Variants in TNFRSF17 observed in about 807,000 individuals in gnomAD.
TNFRSF17 encodes TNF receptor superfamily member 17.
A neutral mutation model predicts 9.9 loss-of-function variants in TNFRSF17; 13 were observed. The observed-to-expected ratio is 1.31, with a 90% CI of 0.85 to 2.08. TNFRSF17 has a LOEUF of 2.08. Ranked by LOEUF, TNFRSF17 falls within the 30% of genes most tolerant of loss-of-function variation. The pLI is 0.00. For missense variants in TNFRSF17, 305 were observed against 225.8 expected, an observed-to-expected ratio of 1.35 and a Z score of -2.25; for synonymous variants, 99 against 83.7, an observed-to-expected ratio of 1.18 and a Z score of -1.00.
intron 1 of TNFRSF17, among the ~76,000 whole-genome samples, chr16:11,965,981 C>T (rs528547624): frequency 4.6e-5 from 7 of 152,134 alleles, no homozygotes; most frequent in African/African-American, 1.7e-4. Flanking sequence ...CATGGTGGCA[C>T]AGGTCTGTAA....
At chr16:11,967,454 TA>T (rs1446216173) in intron 2 of TNFRSF17, 115 bp from the exon 3 acceptor site, 2 of 1,149,388 alleles carry the variant, frequency 1.7e-6, no homozygotes, top group Non-Finnish European at 2.5e-6. Flanking sequence ...ACCCCACCTC[TA>T]AAAAATGAAA....
At chr16:11,966,787 A>G (rs1221080916) in intron 2 of TNFRSF17, among the ~76,000 whole-genome samples, 1 of 152,182 alleles carries the variant, frequency 6.6e-6, no homozygotes, top group Non-Finnish European at 1.5e-5. Flanking sequence ...AATGTTAGAA[A>G]TGAATAACCA....
At position 11,967,786 on chromosome 16, in the gene TNFRSF17, G is replaced by C. The variant is rs11570159; in HGVS notation, c.494G>C (p.Cys165Ser). 1.7e-5 allele frequency: 28 copies of C among 1,614,214 alleles called. No homozygotes were observed. The African/African-American group carries it at 2.0e-4, about 12-fold the overall frequency. Residue 165 changes from cysteine to serine, a missense_variant, in exon 3 of 3, where the codon TGC becomes TCC. By Grantham distance (112) the Cys-to-Ser change is moderately radical (BLOSUM62 -1). Transcript: ENST00000053243. ...ILVTTKTNDY[C>S]KSLPAALSAT... ...GTCACCACGAAAACGAATGACTATT[G>C]CAAGAGCCTGCCAGCTGCTTTGAGT...
intron 1 of TNFRSF17, among the ~76,000 whole-genome samples, chr16:11,965,967 T>C (rs1319523830): frequency 6.6e-6 from 1 of 151,934 alleles, no homozygotes. Flanking sequence ...AAAAATTAGC[T>C]GGGCATGGTG....
intron 2 of TNFRSF17, among the ~76,000 whole-genome samples, chr16:11,966,562 CT>C (rs1158401828): frequency 6.6e-6 from 1 of 152,218 alleles, no homozygotes; most frequent in African/African-American, 2.4e-5. Context: ...CTCCAGGATT[CT>C]TCCACTGTTA....
At position 11,967,699 on chromosome 16, in the gene TNFRSF17, C is replaced by T. The variant is rs374377405; in HGVS notation, c.407C>T (p.Pro136Leu). The T allele has an allele frequency of 1.4e-5, 22 of 1,614,036 alleles. No homozygotes were observed. Among genetic ancestry groups the T allele is most frequent in the African/African-American group, 1.1e-4 (8 of 74,904 alleles). ...CTCEDCIKSK[P>L]KVDSDHCFPL... Reference sequence around the variant, plus strand: ...TGTGAAGACTGCATCAAGAGCAAACCGAAGGTCGACTCTGACCATTGCTTT... The same window carrying T: ...TGTGAAGACTGCATCAAGAGCAAACTGAAGGTCGACTCTGACCATTGCTTT... Residue 136 changes from proline to leucine, a missense_variant, in exon 3 of 3, where the codon CCG becomes CTG. Coordinates refer to ENST00000053243, the MANE Select transcript of TNFRSF17 (RefSeq NM_001192.3).
At chr16:11,967,523 C>G (rs755940777) in intron 2 of TNFRSF17, 47 bp from the exon 3 acceptor site, 1 of 1,578,026 alleles carries the variant, frequency 6.3e-7, no homozygotes, top group South Asian at 1.2e-5. Context: ...CTCATGACCA[C>G]ATTCTCTGTG....
At chr16:11,966,098 A>C (rs2055191283) in intron 1 of TNFRSF17, 97 bp from the exon 2 acceptor site, 43 of 1,327,684 alleles carry the variant, frequency 3.2e-5, no homozygotes, top group Non-Finnish European at 4.4e-5. Context: ...GCAACAGAGC[A>C]AGACTTTGTC....
chr16:11,967,389 G>A (rs1596507815), intron 2 of TNFRSF17, among the ~76,000 whole-genome samples, 181 bp from the exon 3 acceptor site: 1 of 152,176 alleles, frequency 6.6e-6, no homozygotes, highest in Admixed American at 6.5e-5. Flanking sequence ...GTAGGCTAAC[G>A]TGGGAGGATT....
chr16:11,966,331 TA>T lies in TNFRSF17; in HGVS notation c.272del (p.Asn91ThrfsTer82). ...INSEPLKDEF[K>X]NTGSGLLGMA... Reference sequence around the variant, plus strand: ...ACTCTGAACCATTAAAGGACGAGTTTAAAAACACAGGTTGGTTTGATGGTGA... The same window carrying T: ...ACTCTGAACCATTAAAGGACGAGTTTAAAACACAGGTTGGTTTGATGGTGA... On this transcript the variant is annotated frameshift_variant, in exon 2 of 3. Transcript: ENST00000053243. LOFTEE classifies it low-confidence loss of function (END_TRUNC). 1 of 1,611,848 alleles carries T rather than the reference TA, an allele frequency of 6.2e-7. No individual in the cohort carries two copies. Among genetic ancestry groups the T allele is most frequent in the Non-Finnish European group, 8.5e-7 (1 of 1,178,902 alleles).
At position 11,967,822 on chromosome 16, in the gene TNFRSF17, T is replaced by C; in HGVS notation, c.530T>C (p.Ile177Thr). 6.2e-7 allele frequency: 1 copy of C among 1,613,960 alleles called. No homozygotes were observed. Among genetic ancestry groups the C allele is most frequent in the South Asian group, 1.1e-5 (1 of 91,068 alleles). Residue 177 changes from isoleucine (I) to threonine (T), a missense_variant, in exon 3 of 3, where the codon ATA (isoleucine) becomes ACA (threonine). By Grantham distance (89) the Ile-to-Thr change is moderately conservative. Transcript: ENST00000053243. The stretch of plus-strand genomic sequence containing the variant: ...CCAGCTGCTTTGAGTGCTACGGAGA[T>C]AGAGAAATCAATTTCTGCTAGGTAA... ...SLPAALSATE[I>T]EKSISAR
At position 11,965,464 on chromosome 16, in the gene TNFRSF17, A is replaced by T; in HGVS notation, c.130+10A>T. On this transcript the variant is annotated intron_variant, in intron 1 of 2. Transcript: ENST00000053243. ...CGTTATTGTAATGCAAGTAAGTAATATTGCTTGAACGATTATTCATTGGTG... is the reference window on the plus strand; with the variant it reads ...CGTTATTGTAATGCAAGTAAGTAATTTTGCTTGAACGATTATTCATTGGTG... 1 of 1,613,490 alleles carries T rather than the reference A, an allele frequency of 6.2e-7. No individual in the cohort carries two copies. The highest frequency in any genetic ancestry group is 8.5e-7 in the Non-Finnish European group (1 of 1,179,508).
intron 2 of TNFRSF17, chr16:11,967,089 C>T (rs11570155): frequency 1.6e-4 from 35 of 222,566 alleles, no homozygotes; most frequent in Non-Finnish European, 2.9e-4. Flanking sequence ...CAGCCTCTGC[C>T]TCTTGGGTTC....
chr16:11,967,976 C>G lies in TNFRSF17; in HGVS notation c.*129C>G, dbSNP rs747558553. Reference sequence around the variant, plus strand: ...GCTTTTTGTCCTCTAACTGTGGAAACTCTTTATGTTAGATATATTTCTCTA... The same window carrying G: ...GCTTTTTGTCCTCTAACTGTGGAAAGTCTTTATGTTAGATATATTTCTCTA... On this transcript the variant is annotated 3_prime_UTR_variant, in exon 3 of 3. Transcript: ENST00000053243. 18 of 1,025,662 alleles carry G rather than the reference C, an allele frequency of 1.8e-5. No homozygotes were observed. Among genetic ancestry groups the G allele is most frequent in the Admixed American group, 8.4e-5 (3 of 35,860 alleles). The allele number at this position is 1,025,662 out of a possible 1,614,324, so 63.5% of individuals were successfully genotyped here. A position where few individuals can be genotyped will look rare whatever the true frequency, so the allele number is the denominator to read the frequency against.
intron 2 of TNFRSF17, 92 bp from the exon 3 acceptor site, chr16:11,967,478 C>T (rs980732417): frequency 2.0e-5 from 27 of 1,319,084 alleles, no homozygotes; most frequent in Non-Finnish European, 2.8e-5. Context: ...ATCTCTCTCA[C>T]ATTGCTTTGA....
At chr16:11,965,715 A>G (rs956088954) in intron 1 of TNFRSF17, among the ~76,000 whole-genome samples, 9 of 152,240 alleles carry the variant, frequency 5.9e-5, no homozygotes, top group Admixed American at 3.9e-4. Context: ...AGAATTTAAA[A>G]GTCAATGTTC....
Position 11,967,673 on chromosome 16 carries a change from C to T in TNFRSF17, c.381C>T (p.Thr127=). The change falls in exon 3 of 3, where the codon ACC becomes ACT. Residue 127 remains threonine, a synonymous_variant. Transcript: ENST00000053243. ...RGLEYTVEEC[T]CEDCIKSKPK... is the part of the protein sequence containing the mutation. ...TCGAGTACACGGTGGAAGAATGCAC[C>T]TGTGAAGACTGCATCAAGAGCAAAC... 6.2e-7 allele frequency: 1 copy of T among 1,614,136 alleles called. No individual in the cohort carries two copies. Among genetic ancestry groups the T allele is most frequent in the Non-Finnish European group, 8.5e-7 (1 of 1,180,024 alleles).
At chr16:11,966,393 G>C in intron 2 of TNFRSF17, 52 bp downstream of exon 2, 1 of 1,563,008 alleles carries the variant, frequency 6.4e-7, no homozygotes, top group Non-Finnish European at 8.7e-7. Flanking sequence ...TGGCTATTGT[G>C]AGTTTCAGTT....
rs966612707 is a variant in TNFRSF17, at chr16:11,968,035, C to A, written c.*188C>A. On this transcript the variant is annotated 3_prime_UTR_variant, in exon 3 of 3. Coordinates refer to ENST00000053243, the MANE Select transcript of TNFRSF17 (RefSeq NM_001192.3). ...TTGGGAGCTTAATGGTAGAAACTTC[C>A]TTGGTTTCATGATTAAACTCTTTTT... is the stretch of plus-strand genomic sequence containing the variant. The A allele has an allele frequency of 3.2e-6, 2 of 620,480 alleles. No individual in the cohort carries two copies. Among genetic ancestry groups the A allele is most frequent in the Non-Finnish European group, 2.6e-6 (1 of 387,630 alleles). The allele number at this position is 620,480 out of a possible 1,614,324, so 38.4% of individuals were successfully genotyped here. A position where few individuals can be genotyped will look rare whatever the true frequency, so the allele number is the denominator to read the frequency against.
Sources: gnomAD v4.1 joint callset for allele counts (sites outside exome capture counted in the v4.1 genomes callset) on GRCh38, gnomAD v4.1.1 for gene constraint, MANE v1.5 for transcripts, NCBI Gene and HGNC (gene_info 2026-07-23, HGNC 2026-07-21) for gene names.